FBXW4: variants seen among roughly 807,000 people sequenced by gnomAD.
The protein encoded by FBXW4 is F-box/WD repeat-containing protein 4.
FBXW4 carries 40 observed loss-of-function variants against 61.8 expected under a neutral mutation model. That is an observed-to-expected ratio of 0.65 (90% CI 0.50 to 0.84). The LOEUF is 0.84. Ranked by LOEUF, FBXW4 falls within the 40% of genes least tolerant of loss-of-function variation. The pLI is 0.00. For missense variants in FBXW4, 672 were observed against 753.8 expected, an observed-to-expected ratio of 0.89 and a Z score of 1.27; for synonymous variants, 311 against 313.8, an observed-to-expected ratio of 0.99 and a Z score of 0.10.
At chr10:101,669,357 C>G (rs901336890) in intron 4 of FBXW4, among the ~76,000 whole-genome samples, 3 of 152,174 alleles carry the variant, frequency 2.0e-5, no homozygotes, top group Non-Finnish European at 2.9e-5. Flanking sequence ...AAAAAGACAG[C>G]TTTGCCTTTT....
chr10:101,645,693 G>A (rs985265863), intron 5 of FBXW4, among the ~76,000 whole-genome samples: 1 of 152,240 alleles, frequency 6.6e-6, no homozygotes, highest in Non-Finnish European at 1.5e-5. Flanking sequence ...ATATAGGCTT[G>A]CCCTTAGGCA....
chr10:101,672,830 A>G (rs1041907487), intron 4 of FBXW4, 85 bp downstream of exon 4: 3 of 1,518,878 alleles, frequency 2.0e-6, no homozygotes, highest in Non-Finnish European at 2.7e-6. Context: ...CGATACTCTC[A>G]GCCAATCCTG....
At chr10:101,693,656 C>T (rs1429474972) in intron 1 of FBXW4, among the ~76,000 whole-genome samples, 2 of 152,114 alleles carry the variant, frequency 1.3e-5, no homozygotes, top group South Asian at 2.1e-4. Flanking sequence ...AGCTCTTATT[C>T]CCCCAATTCC....
intron 1 of FBXW4, among the ~76,000 whole-genome samples, chr10:101,680,720 T>C (rs2064466072): frequency 1.3e-5 from 2 of 152,246 alleles, no homozygotes; most frequent in Non-Finnish European, 2.9e-5. Context: ...ATGTTGCTTA[T>C]AGCACATTCA....
chr10:101,690,516 G>A (rs1217719080), intron 1 of FBXW4, among the ~76,000 whole-genome samples: 1 of 152,104 alleles, frequency 6.6e-6, no homozygotes, highest in African/African-American at 2.4e-5. Flanking sequence ...CACTGTTCGG[G>A]CAAGAGGCCT....
intron 5 of FBXW4, among the ~76,000 whole-genome samples, chr10:101,638,727 T>A (rs561953445): frequency 2.0e-5 from 3 of 152,254 alleles, no homozygotes; most frequent in Non-Finnish European, 4.4e-5. Context: ...CTGAATTAAA[T>A]GTGATTCTGA....
chr10:101,645,768 G>C (rs934972055), intron 5 of FBXW4, among the ~76,000 whole-genome samples: 1 of 152,176 alleles, frequency 6.6e-6, no homozygotes, highest in African/African-American at 2.4e-5. Context: ...AACAATTCAA[G>C]ATAATCAACA....
chr10:101,642,262 G>A (rs1317342056), intron 5 of FBXW4, among the ~76,000 whole-genome samples: 2 of 150,906 alleles, frequency 1.3e-5, no homozygotes, highest in Non-Finnish European at 3.0e-5. Context: ...AGCAAAACAT[G>A]ACAAGTGGCC....
chr10:101,618,193 G>A (rs2063840598), intron 6 of FBXW4, among the ~76,000 whole-genome samples: 1 of 152,208 alleles, frequency 6.6e-6, no homozygotes, highest in African/African-American at 2.4e-5. Context: ...CATATCCTGT[G>A]CTCAGTTCAG....
In FBXW4 at chr10:101,694,407, G is replaced by A; in HGVS notation, c.699C>T (p.Ser233=). Residue 233 remains serine, a synonymous_variant, in exon 1 of 9, where the codon TCC becomes TCT. Coordinates refer to ENST00000331272, the MANE Select transcript of FBXW4 (RefSeq NM_022039.4). The surrounding 1 kb of genome is among the most constrained non-coding windows in gnomAD (Gnocchi z 6.0). ...GGTCGGTGCCGAGCCGCGTGAAGCCGGAGTTGAGCGAGGCCCGGGCTATCC... is the reference window on the plus strand; with the variant it reads ...GGTCGGTGCCGAGCCGCGTGAAGCCAGAGTTGAGCGAGGCCCGGGCTATCC... ...WRRIARASLN[S]GFTRLGTDLM... is the part of the protein sequence containing the mutation. 2.7e-6 allele frequency: 4 copies of A among 1,498,266 alleles called. No individual in the cohort carries two copies. Among genetic ancestry groups the A allele is most frequent in the Non-Finnish European group, 3.5e-6 (4 of 1,136,070 alleles). The allele number at this position is 1,498,266 out of a possible 1,614,324, so 92.8% of individuals were successfully genotyped here.
chr10:101,682,415 A>T (rs1365487411), intron 1 of FBXW4, among the ~76,000 whole-genome samples: 1 of 150,814 alleles, frequency 6.6e-6, no homozygotes, highest in African/African-American at 2.4e-5. Flanking sequence ...ACTGAAATCT[A>T]AATGAAAAAA....
chr10:101,658,467 C>T (rs941207090), intron 5 of FBXW4, among the ~76,000 whole-genome samples: 2 of 152,168 alleles, frequency 1.3e-5, no homozygotes, highest in African/African-American at 4.8e-5. Context: ...ATTGCTTGAA[C>T]CCAGGAGGCG....
At position 101,668,014 on chromosome 10, in the gene FBXW4, T is replaced by C. The variant is rs565215754; in HGVS notation, c.1141-34A>G. 419 of 1,559,754 alleles carry C rather than the reference T, an allele frequency of 2.7e-4. 6 individuals carry two copies. In the South Asian group the frequency reaches 4.1e-3, roughly 15 times the overall value. ...AGGAGAGGAGATGCTCTCGTTGGCA[T>C]TGCCTGGGATCAGTGGGGAGGAGAG... On this transcript the variant is annotated intron_variant, in intron 4 of 8. Transcript: ENST00000331272.
intron 5 of FBXW4, among the ~76,000 whole-genome samples, chr10:101,639,984 C>T (rs1020908472): frequency 1.3e-5 from 2 of 152,220 alleles, no homozygotes; most frequent in Non-Finnish European, 2.9e-5. Flanking sequence ...AATATAGAGC[C>T]TCTGTTCAGT....
Position 101,694,632 on chromosome 10 carries a change from C to T in FBXW4, c.474G>A (p.Ala158=). ...DIAGTGVAMA[A]AAGEEEEEEE... is the part of the protein sequence containing the mutation. The stretch of plus-strand genomic sequence containing the variant: ...CCTCCTCCTCCTCCTCCCCGGCCGC[C>T]GCCGCCATGGCCACCCCTGTCCCCG... The change falls in exon 1 of 9, where the codon GCG becomes GCA. Residue 158 remains alanine, a synonymous_variant. Coordinates refer to ENST00000331272, the MANE Select transcript of FBXW4 (RefSeq NM_022039.4). This position sits in a 1 kb window ranked among gnomAD's most constrained non-coding sequence, Gnocchi z 6.0. 7.0e-7 allele frequency: 1 copy of T among 1,428,948 alleles called. No individual in the cohort carries two copies. Among genetic ancestry groups the T allele is most frequent in the Admixed American group, 2.9e-5 (1 of 34,514 alleles). 88.5% of individuals were successfully genotyped at this position (1,428,948 alleles called of 1,614,324 possible).
intron 5 of FBXW4, among the ~76,000 whole-genome samples, chr10:101,642,202 G>A (rs1046054713): frequency 6.6e-6 from 1 of 151,896 alleles, no homozygotes; most frequent in African/African-American, 2.4e-5. Flanking sequence ...CCACACATGT[G>A]TATGTGTTTA....
chr10:101,682,417 AT>A (rs961387038), intron 1 of FBXW4, among the ~76,000 whole-genome samples: 1 of 150,802 alleles, frequency 6.6e-6, no homozygotes, highest in Non-Finnish European at 1.5e-5. Flanking sequence ...TGAAATCTAA[AT>A]GAAAAAAAAA....
At position 101,611,886 on chromosome 10, in the gene FBXW4, G is replaced by T; in HGVS notation, c.1443-117C>A. The T allele has an allele frequency of 8.2e-7, 1 of 1,225,358 alleles. No homozygotes were observed. The highest frequency in any genetic ancestry group is 1.1e-6 in the Non-Finnish European group (1 of 902,672). 75.9% of individuals were successfully genotyped at this position (1,225,358 alleles called of 1,614,324 possible). A position where few individuals can be genotyped will look rare whatever the true frequency, so the allele number is the denominator to read the frequency against. ...TAAGGAGCCATTCCGGGATGGAAGA[G>T]AAAGAAGCCTAAATCATCAGATTCA... On this transcript the variant is annotated intron_variant, in intron 7 of 8. Coordinates refer to ENST00000331272, the MANE Select transcript of FBXW4 (RefSeq NM_022039.4). The surrounding 1 kb of genome is among the most constrained non-coding windows in gnomAD (Gnocchi z 4.9).
At chr10:101,650,266 C>G (rs2064135218) in intron 5 of FBXW4, among the ~76,000 whole-genome samples, 1 of 152,200 alleles carries the variant, frequency 6.6e-6, no homozygotes, top group African/African-American at 2.4e-5. Context: ...AGGGACATTC[C>G]CCTTCAACTG....
Sources: gnomAD v4.1 joint callset for allele counts (sites outside exome capture counted in the v4.1 genomes callset) on GRCh38, gnomAD v4.1.1 for gene constraint, Gnocchi (gnomAD v3.1) non-coding constraint, MANE v1.5 for transcripts, NCBI Gene and HGNC (gene_info 2026-07-23, HGNC 2026-07-21) for gene names.